TLK2: variants seen among roughly 807,000 people sequenced by gnomAD.
The protein encoded by TLK2 is tousled like kinase 2.
TLK2 carries 6 observed loss-of-function variants against 117.3 expected under a neutral mutation model. The observed-to-expected ratio is 0.05, with a 90% CI of 0.03 to 0.10. The LOEUF is 0.10. Ranked by LOEUF, TLK2 falls within the 10% of genes least tolerant of loss-of-function variation. The probability of loss-of-function intolerance (pLI) is 1.00; values close to 1 mark genes in which losing one functional copy is unlikely to be tolerated. For missense variants in TLK2, 299 were observed against 901.2 expected, an observed-to-expected ratio of 0.33 and a Z score of 8.56; for synonymous variants, 257 against 316.7, an observed-to-expected ratio of 0.81 and a Z score of 2.00.
intron 14 of TLK2, among the ~76,000 whole-genome samples, chr17:62,579,873 A>G (rs550428346): frequency 3.4e-4 from 52 of 152,300 alleles, no homozygotes; most frequent in Non-Finnish European, 1.5e-4. Context: ...TAGTGTAGCT[A>G]CACTGAGACC....
chr17:62,510,215 T>C (rs991138575), intron 2 of TLK2, among the ~76,000 whole-genome samples: 71 of 152,262 alleles, frequency 4.7e-4, no homozygotes, highest in African/African-American at 1.6e-3. Context: ...AAGACTGCAG[T>C]GAGCCAGGAT....
At chr17:62,522,410 A>T in intron 4 of TLK2, 137 bp downstream of exon 4, 2 of 944,620 alleles carry the variant, frequency 2.1e-6, no homozygotes, top group East Asian at 2.7e-5. Context: ...GGAATATCAG[A>T]CTGTTTATTA....
At chr17:62,489,974 G>T (rs1386908168) in intron 2 of TLK2, among the ~76,000 whole-genome samples, 1 of 152,128 alleles carries the variant, frequency 6.6e-6, no homozygotes, top group Non-Finnish European at 1.5e-5. Context: ...GGAATTACAG[G>T]CGCCCACCAC....
chr17:62,557,693 G>GT (rs1341843485), intron 9 of TLK2, among the ~76,000 whole-genome samples: 4 of 152,186 alleles, frequency 2.6e-5, no homozygotes, highest in Non-Finnish European at 4.4e-5. Flanking sequence ...ATCTGTCAGG[G>GT]TTTTGTACAG....
At position 62,522,232 on chromosome 17, in the gene TLK2, G is replaced by A. The variant is rs2076093759; in HGVS notation, c.182G>A (p.Arg61Gln). ...CCCGAGAAAAAGCAGAATGACCAGC[G>A]AAATCGGAAAAGAAAAGCTGAACCA... is the stretch of plus-strand genomic sequence containing the variant. ...ETPEKKQNDQ[R>Q]NRKRKAEPYE... Residue 61 changes from arginine (R) to glutamine (Q), a missense_variant, in exon 4 of 22, where the codon CGA becomes CAA. Physicochemically the swap from Arg to Gln is conservative, Grantham distance 43 (BLOSUM62 1). This residue lies in a region of TLK2 where 105 missense variants were observed against 218.4 expected (regional missense o/e 0.48). Coordinates refer to ENST00000346027, the MANE Select transcript of TLK2 (RefSeq NM_006852.6). 1 of 1,613,064 alleles carries A rather than the reference G, an allele frequency of 6.2e-7. No individual in the cohort carries two copies. The highest frequency in any genetic ancestry group is 8.5e-7 in the Non-Finnish European group (1 of 1,179,628).
intron 2 of TLK2, among the ~76,000 whole-genome samples, chr17:62,493,045 C>T (rs150285992): frequency 1.3e-3 from 202 of 152,036 alleles, no homozygotes; most frequent in African/African-American, 4.6e-3. Flanking sequence ...TGCAGTGAGC[C>T]GAGATCATGC....
At position 62,577,676 on chromosome 17, in the gene TLK2, G is replaced by T. The variant is rs7209073; in HGVS notation, c.1189-801G>T. On this transcript the variant is annotated intron_variant, in intron 13 of 21. Coordinates refer to ENST00000346027, the MANE Select transcript of TLK2 (RefSeq NM_006852.6). ...GTAAAGATTTACTAAACTGCTTTTG[G>T]TATGTGTGCTTTTGTTTTTTATTTC... is the stretch of plus-strand genomic sequence containing the variant. Among the ~76,000 whole-genome samples, 227 of 152,272 alleles carry T rather than the reference G, an allele frequency of 1.5e-3. 1 individual carries two copies. The highest frequency in any genetic ancestry group is 5.1e-3 in the African/African-American group (213 of 41,552).
chr17:62,541,865 T>C (rs1411224547), intron 7 of TLK2, among the ~76,000 whole-genome samples: 2 of 152,190 alleles, frequency 1.3e-5, no homozygotes, highest in African/African-American at 2.4e-5. Context: ...AATTAGTATT[T>C]GGACTCACAG....
At chr17:62,494,489 T>C (rs1227447897) in intron 2 of TLK2, among the ~76,000 whole-genome samples, 1 of 152,192 alleles carries the variant, frequency 6.6e-6, no homozygotes, top group Non-Finnish European at 1.5e-5. Flanking sequence ...ACTCCTGACC[T>C]CAAGGGATCT....
chr17:62,596,257 G>A (rs990719106), intron 16 of TLK2, among the ~76,000 whole-genome samples: 1 of 151,900 alleles, frequency 6.6e-6, no homozygotes, highest in African/African-American at 2.4e-5. Context: ...TATATTTTTA[G>A]TAGAGACGGG....
chr17:62,502,992 A>G (rs962926229), intron 2 of TLK2, among the ~76,000 whole-genome samples: 3 of 151,708 alleles, frequency 2.0e-5, no homozygotes, highest in African/African-American at 7.3e-5. Context: ...AAAATTTATA[A>G]TCTAATGGAA....
intron 2 of TLK2, among the ~76,000 whole-genome samples, chr17:62,485,360 T>A (rs1037769952): frequency 6.6e-5 from 10 of 152,236 alleles, no homozygotes; most frequent in Admixed American, 5.9e-4. Flanking sequence ...TGTATAACTT[T>A]CGAGTTTTTT....
intron 2 of TLK2, among the ~76,000 whole-genome samples, chr17:62,519,608 G>A (rs572097276): frequency 1.1e-4 from 16 of 152,224 alleles, no homozygotes; most frequent in African/African-American, 3.4e-4. Context: ...GAGGTCAGGA[G>A]TTCGAGACCA....
intron 2 of TLK2, among the ~76,000 whole-genome samples, chr17:62,517,489 G>C (rs1045428145): frequency 6.6e-6 from 1 of 152,014 alleles, no homozygotes; most frequent in African/African-American, 2.4e-5. Flanking sequence ...CCACCTTCCG[G>C]GTTCACGCCA....
At chr17:62,503,267 C>T (rs2074372846) in intron 2 of TLK2, among the ~76,000 whole-genome samples, 1 of 151,824 alleles carries the variant, frequency 6.6e-6, no homozygotes, top group Non-Finnish European at 1.5e-5. Flanking sequence ...ACTGTGTTAG[C>T]CAGGATAGTC....
intron 4 of TLK2, among the ~76,000 whole-genome samples, 193 bp downstream of exon 4, chr17:62,522,466 T>C (rs995415387): frequency 3.9e-5 from 6 of 152,242 alleles, no homozygotes; most frequent in African/African-American, 1.4e-4. Flanking sequence ...TGTTAGTTCT[T>C]CGGGGACTCT....
intron 15 of TLK2, among the ~76,000 whole-genome samples, chr17:62,582,607 G>T (rs1288449892): frequency 6.6e-6 from 1 of 151,962 alleles, no homozygotes; most frequent in Non-Finnish European, 1.5e-5. Flanking sequence ...TCATTCTTAA[G>T]TCAATGCTTA....
chr17:62,595,998 TGATTATCATA>T (rs2082453534), intron 16 of TLK2, among the ~76,000 whole-genome samples: 1 of 152,156 alleles, frequency 6.6e-6, no homozygotes, highest in Non-Finnish European at 1.5e-5. Flanking sequence ...AAAAGAGGTG[TGATTATCATA>T]GAATGAACTT....
intron 12 of TLK2, chr17:62,574,532 T>G: frequency 1.5e-6 from 1 of 652,548 alleles, no homozygotes; most frequent in Admixed American, 2.6e-5. Flanking sequence ...TGTTTTTTTT[T>G]TTTGAGACGA....
Sources: allele counts gnomAD v4.1 joint callset (sites outside exome capture counted in the v4.1 genomes callset), GRCh38; gene constraint gnomAD v4.1.1; regional missense constraint gnomAD v4.1.1; transcripts MANE v1.5; gene names NCBI Gene and HGNC (gene_info 2026-07-23, HGNC 2026-07-21).